The following CSRNP3 variants were observed in gnomAD, a reference collection of about 807,000 sequenced individuals.
The protein encoded by CSRNP3 is cysteine/serine-rich nuclear protein 3.
CSRNP3 carries 12 observed loss-of-function variants against 48.0 expected under a neutral mutation model. That is an observed-to-expected ratio of 0.25 (90% CI 0.16 to 0.41). The LOEUF is 0.41. Ranked by LOEUF, CSRNP3 falls within the 10% of genes least tolerant of loss-of-function variation. The probability of loss-of-function intolerance (pLI) is 1.00; values close to 1 mark genes in which losing one functional copy is unlikely to be tolerated. For synonymous variants in CSRNP3, 263 were observed against 269.7 expected (o/e 0.98, Z 0.24); for missense variants, 580 against 724.4 (o/e 0.80, Z 2.29).
intron 1 of CSRNP3, among the ~76,000 whole-genome samples, chr2:165,491,874 G>T (rs1383670584): frequency 7.4e-6 from 1 of 135,394 alleles, no homozygotes; most frequent in Non-Finnish European, 1.6e-5. Context: ...TGGGTGCAGC[G>T]CACCAGCATG....
intron 3 of CSRNP3, among the ~76,000 whole-genome samples, chr2:165,585,489 C>T (rs982115657): frequency 9.2e-5 from 14 of 152,228 alleles, no homozygotes; most frequent in African/African-American, 1.7e-4. Context: ...AGCAAAATTA[C>T]GTTCCTTTCT....
At chr2:165,520,503 G>A (rs1294137507) in intron 3 of CSRNP3, among the ~76,000 whole-genome samples, 1 of 151,718 alleles carries the variant, frequency 6.6e-6, no homozygotes, top group Non-Finnish European at 1.5e-5. Context: ...TAAATATCTG[G>A]CCATGCAAAT....
chr2:165,580,491 T>C (rs1685525797), intron 3 of CSRNP3, among the ~76,000 whole-genome samples: 1 of 152,236 alleles, frequency 6.6e-6, no homozygotes, highest in Non-Finnish European at 1.5e-5. Flanking sequence ...TATTTTTTTC[T>C]ACTTGTTGTA....
chr2:165,640,231 A>G (rs1206422672), intron 4 of CSRNP3, among the ~76,000 whole-genome samples: 1 of 152,214 alleles, frequency 6.6e-6, no homozygotes, highest in Non-Finnish European at 1.5e-5. Context: ...TGTTACAAAT[A>G]TTTATTTAAT....
intron 3 of CSRNP3, among the ~76,000 whole-genome samples, chr2:165,581,529 C>T (rs1685545860): frequency 7.2e-6 from 1 of 139,056 alleles, no homozygotes; most frequent in African/African-American, 2.6e-5. Context: ...ATGCCCTGCC[C>T]ACCCCTCCCA....
intron 4 of CSRNP3, among the ~76,000 whole-genome samples, chr2:165,598,738 C>T (rs1448135634): frequency 6.6e-6 from 1 of 152,126 alleles, no homozygotes; most frequent in African/African-American, 2.4e-5. Context: ...AGTTTACTAA[C>T]ATGCTGTTTT....
At chr2:165,614,387 AT>A in intron 4 of CSRNP3, among the ~76,000 whole-genome samples, 1 of 152,328 alleles carries the variant, frequency 6.6e-6, no homozygotes, top group African/African-American at 2.4e-5. Flanking sequence ...AAGAAGGACA[AT>A]TTGACTTACT....
chr2:165,472,852 T>C (rs1014493899), intron 1 of CSRNP3, among the ~76,000 whole-genome samples: 4 of 152,164 alleles, frequency 2.6e-5, no homozygotes, highest in African/African-American at 4.8e-5. Flanking sequence ...ATATTTAATA[T>C]GTAGCCAACA....
At chr2:165,549,792 C>T (rs1006051921) in intron 3 of CSRNP3, among the ~76,000 whole-genome samples, 2 of 152,084 alleles carry the variant, frequency 1.3e-5, no homozygotes, top group African/African-American at 4.8e-5. Flanking sequence ...TGTATGGCAG[C>T]CTACAGGAGC....
rs1163267066 is a variant in CSRNP3, at chr2:165,676,490, T to C, written c.587T>C (p.Val196Ala). ...GCCTCTGGAGTGAAAAAGATTGACG[T>C]GGAAGAAAAGCACGAACTCCGAGCC... The part of the protein sequence containing the change: ...LRASGVKKID[V>A]EEKHELRAIR... The change falls in exon 6 of 7, where the codon GTG becomes GCG. Residue 196 changes from valine to alanine, a missense_variant. Transcript: ENST00000651982. The C allele has an allele frequency of 1.2e-6, 2 of 1,614,062 alleles. No homozygotes were observed. The highest frequency in any genetic ancestry group is 1.7e-6 in the Non-Finnish European group (2 of 1,179,978).
rs563630792 is a variant in CSRNP3, at chr2:165,656,965, T to G, written c.149-796T>G. Among the ~76,000 whole-genome samples the G allele has an allele frequency of 2.6e-5, 4 of 152,332 alleles. No homozygotes were observed. In the East Asian group the frequency reaches 7.7e-4, roughly 29 times the overall value. ...TATCTGCAGTTTTGATTTCCCCAGT[T>G]TCAGTTATCTGTGGTCAAGCACAAT... On this transcript the variant is annotated intron_variant, in intron 4 of 6. Transcript: ENST00000651982.
chr2:165,599,315 A>AAGAAAGAAAGAAAG (rs1685868644), intron 4 of CSRNP3, among the ~76,000 whole-genome samples: 1 of 150,984 alleles, frequency 6.6e-6, no homozygotes, highest in African/African-American at 2.4e-5. Flanking sequence ...GAAAGAAAGA[A>AAGAAAGAAAGAAAG]AGAAAGAAAG....
chr2:165,601,844 A>C (rs1685921041), intron 4 of CSRNP3, among the ~76,000 whole-genome samples: 1 of 152,220 alleles, frequency 6.6e-6, no homozygotes. Context: ...ATTTGACATT[A>C]AACTTTATTA....
Position 165,511,889 on chromosome 2 carries a change from A to G in CSRNP3, c.-112-5984A>G, listed in dbSNP as rs138993783. On this transcript the variant is annotated intron_variant, in intron 2 of 6. Coordinates refer to ENST00000651982, the MANE Select transcript of CSRNP3 (RefSeq NM_001172173.2). ...TGTTTAGCTTCCAGGGGGCAGGTTCATAGCAGGAGGAGAACTGAATTTAAT... is the reference window on the plus strand; with the variant it reads ...TGTTTAGCTTCCAGGGGGCAGGTTCGTAGCAGGAGGAGAACTGAATTTAAT... Among the ~76,000 whole-genome samples the G allele has an allele frequency of 2.4e-3, 360 of 152,304 alleles. 1 individual carries two copies. The highest frequency in any genetic ancestry group is 1.5e-3 in the Non-Finnish European group (101 of 68,030).
rs371859963 is a variant in CSRNP3 at position 165,676,574 on chromosome 2, C to T, written c.671C>T (p.Thr224Met). ...TGCCGAGTGTTCTGTGATCCAGACACGTGCACCTGCAGCCTGGCTGGCATT... is the reference window on the plus strand; with the variant it reads ...TGCCGAGTGTTCTGTGATCCAGACATGTGCACCTGCAGCCTGGCTGGCATT... Reference protein sequence around the residue: ...CDCRVFCDPDTCTCSLAGIKC... With the variant: ...CDCRVFCDPDMCTCSLAGIKC... Residue 224 changes from threonine to methionine, a missense_variant, in exon 6 of 7, where the codon ACG becomes ATG. Around this residue, in one of 4 missense-constraint regions of CSRNP3, gnomAD observed 66 missense variants for 137.6 expected, o/e 0.48. Coordinates refer to ENST00000651982, the MANE Select transcript of CSRNP3 (RefSeq NM_001172173.2). 42 of 1,613,422 alleles carry T rather than the reference C, an allele frequency of 2.6e-5. No homozygotes were observed. Among genetic ancestry groups the T allele is most frequent in the African/African-American group, 8.0e-5 (6 of 74,932 alleles).
intron 1 of CSRNP3, among the ~76,000 whole-genome samples, chr2:165,477,594 G>T (rs190356023): frequency 6.7e-6 from 1 of 149,864 alleles, no homozygotes; most frequent in Admixed American, 6.7e-5. Flanking sequence ...GCTTGAACCC[G>T]GGAGGCGGAG....
intron 3 of CSRNP3, among the ~76,000 whole-genome samples, chr2:165,557,693 C>T (rs573074841): frequency 6.6e-6 from 1 of 152,152 alleles, no homozygotes; most frequent in South Asian, 2.1e-4. Context: ...AAAACTGTGT[C>T]GTATTCATCT....
intron 5 of CSRNP3, among the ~76,000 whole-genome samples, chr2:165,673,404 C>T (rs1687364404): frequency 6.6e-6 from 1 of 151,852 alleles, no homozygotes; most frequent in African/African-American, 2.4e-5. Context: ...TACCAAAGTG[C>T]TGTGATTACA....
chr2:165,608,601 C>T (rs1199163461), intron 4 of CSRNP3, among the ~76,000 whole-genome samples: 1 of 152,106 alleles, frequency 6.6e-6, no homozygotes, highest in East Asian at 1.9e-4. Flanking sequence ...TGAGCTTAAC[C>T]CTACTTGTTA....
Sources: allele counts gnomAD v4.1 joint callset (sites outside exome capture counted in the v4.1 genomes callset), GRCh38; gene constraint gnomAD v4.1.1; regional missense constraint gnomAD v4.1.1; transcripts MANE v1.5; gene names NCBI Gene and HGNC (gene_info 2026-07-23, HGNC 2026-07-21).